The following GLRA2 variants were observed in gnomAD, a reference collection of about 807,000 sequenced individuals.
GLRA2 encodes the protein glycine receptor subunit alpha-2.
A neutral mutation model predicts 31.6 loss-of-function variants in GLRA2; 11 were observed. The observed-to-expected ratio is 0.35, with a 90% CI of 0.22 to 0.58. The LOEUF (loss-of-function observed/expected upper bound fraction) is 0.58, where lower values mean the gene tolerates loss of function less well. Among genes scored for constraint, GLRA2 ranks in the 20% least tolerant of loss-of-function variants. GLRA2 has a pLI of 0.84. For missense variants in GLRA2, 212 were observed against 351.8 expected, an observed-to-expected ratio of 0.60 and a Z score of 3.18; for synonymous variants, 132 against 134.0, an observed-to-expected ratio of 0.99 and a Z score of 0.10.
intron 2 of GLRA2, among the ~76,000 whole-genome samples, chrX:14,572,059 A>AG (rs1203772284): frequency 2.8e-4 from 31 of 112,155 alleles, no homozygotes; most frequent in Non-Finnish European, 2.1e-4. Context: ...GTCTTTTGTG[A>AG]GGATTACACT....
chrX:14,484,269 A>G, the GLRA2 span, among the ~76,000 whole-genome samples: 9 of 112,258 alleles, frequency 8.0e-5, no homozygotes, highest in African/African-American at 2.3e-4. Context: ...AATAGCTGCT[A>G]TACTCAACTA....
chrX:14,619,994 C>A (rs746614231), intron 7 of GLRA2, among the ~76,000 whole-genome samples: 3 of 95,573 alleles, frequency 3.1e-5, no homozygotes, highest in African/African-American at 1.1e-4. Context: ...CCTAGCCAGG[C>A]GCCCCCCCGT....
the GLRA2 span, among the ~76,000 whole-genome samples, chrX:14,486,382 T>G: frequency 8.9e-6 from 1 of 111,830 alleles, no homozygotes; most frequent in East Asian, 2.8e-4. Context: ...AAGTAAATGT[T>G]AAATTTAAGT....
chrX:14,547,019 TAAC>T (rs781271702), intron 2 of GLRA2, among the ~76,000 whole-genome samples: 2 of 111,452 alleles, frequency 1.8e-5, no homozygotes, highest in African/African-American at 6.5e-5. Context: ...TTGAGGGTAT[TAAC>T]AAAAAGTATC....
the GLRA2 span, among the ~76,000 whole-genome samples, chrX:14,494,427 A>G: frequency 8.9e-6 from 1 of 112,142 alleles, no homozygotes; most frequent in Non-Finnish European, 1.9e-5. Flanking sequence ...AATTGTAACC[A>G]TTGAACTGGT....
the GLRA2 span, among the ~76,000 whole-genome samples, chrX:14,475,109 C>G: frequency 1.8e-5 from 2 of 112,029 alleles, no homozygotes; most frequent in Non-Finnish European, 1.9e-5. Context: ...AAGTGGATAC[C>G]TCTTTCTACC....
intron 7 of GLRA2, among the ~76,000 whole-genome samples, chrX:14,675,668 T>C (rs761341600): frequency 8.9e-6 from 1 of 111,775 alleles, no homozygotes; most frequent in South Asian, 3.8e-4. Context: ...TCATCATCCA[T>C]CTCTGCCAAG....
At chrX:14,558,930 T>C (rs1268453318) in intron 2 of GLRA2, among the ~76,000 whole-genome samples, 1 of 110,509 alleles carries the variant, frequency 9.0e-6, no homozygotes, top group Non-Finnish European at 1.9e-5. Flanking sequence ...GCTCAAGTGA[T>C]TCTCCTGCCT....
chrX:14,676,052 A>T lies in GLRA2; in HGVS notation c.931-14658A>T, dbSNP rs6630813. On this transcript the variant is annotated intron_variant, in intron 7 of 8. Coordinates refer to ENST00000218075, the MANE Select transcript of GLRA2 (RefSeq NM_002063.4). ...AAGCCTTCTATTTTATGTAACAGAA[A>T]CACATCTCAGGCTACTGTGGCCAAC... Among the ~76,000 whole-genome samples, 12 of 112,516 alleles carry T rather than the reference A, an allele frequency of 1.1e-4. No individual in the cohort carries two copies. The East Asian group carries it at 2.2e-3, about 21-fold the overall frequency.
At chrX:14,515,225 A>G in the GLRA2 span, among the ~76,000 whole-genome samples, 1 of 111,616 alleles carries the variant, frequency 9.0e-6, no homozygotes, top group Non-Finnish European at 1.9e-5. Flanking sequence ...TCCTGTTATT[A>G]TTGCTGATAA....
chrX:14,681,981 GTATT>G (rs1372665364), intron 7 of GLRA2, among the ~76,000 whole-genome samples: 1 of 82,109 alleles, frequency 1.2e-5, no homozygotes, highest in Non-Finnish European at 2.3e-5. Context: ...GTGTATATAT[GTATT>G]TATATATGTA....
At chrX:14,530,298 C>T (rs1195705646) in intron 1 of GLRA2, among the ~76,000 whole-genome samples, 173 bp downstream of exon 1, 2 of 111,728 alleles carry the variant, frequency 1.8e-5, no homozygotes, top group Non-Finnish European at 3.8e-5. Flanking sequence ...GTAAATTTTT[C>T]ACAAAAGCAA....
the GLRA2 span, among the ~76,000 whole-genome samples, chrX:14,468,476 T>C: frequency 8.9e-6 from 1 of 111,852 alleles, no homozygotes; most frequent in African/African-American, 3.2e-5. Flanking sequence ...CCCAAACTTA[T>C]TTGATGTGGA....
chrX:14,575,914 T>A (rs1223059128), intron 3 of GLRA2, among the ~76,000 whole-genome samples: 1 of 111,430 alleles, frequency 9.0e-6, no homozygotes, highest in East Asian at 2.8e-4. Context: ...TTACTTTAAG[T>A]CCTAAATCAA....
At chrX:14,590,213 A>C (rs975276676) in intron 4 of GLRA2, among the ~76,000 whole-genome samples, 1 of 111,384 alleles carries the variant, frequency 9.0e-6, no homozygotes, top group Non-Finnish European at 1.9e-5. Flanking sequence ...TTGATAATTC[A>C]GTATTCTGCC....
At chrX:14,613,596 G>T (rs1336295564) in intron 7 of GLRA2, among the ~76,000 whole-genome samples, 1 of 111,813 alleles carries the variant, frequency 8.9e-6, no homozygotes, top group Non-Finnish European at 1.9e-5. Flanking sequence ...ATGTGCATAG[G>T]TTATATGCAA....
intron 4 of GLRA2, among the ~76,000 whole-genome samples, chrX:14,589,697 A>G (rs2090122013): frequency 3.0e-5 from 1 of 33,733 alleles, no homozygotes; most frequent in African/African-American, 1.7e-4. Context: ...ATATATGTAT[A>G]GTGTATATAT....
intron 7 of GLRA2, among the ~76,000 whole-genome samples, chrX:14,635,568 G>A (rs1161451364): frequency 9.0e-6 from 1 of 111,660 alleles, no homozygotes; most frequent in Non-Finnish European, 1.9e-5. Flanking sequence ...ATGTTCTTTT[G>A]TTAGTAAATG....
intron 7 of GLRA2, among the ~76,000 whole-genome samples, chrX:14,636,191 G>C (rs1413169240): frequency 1.8e-5 from 2 of 111,841 alleles, no homozygotes; most frequent in African/African-American, 6.5e-5. Flanking sequence ...AACTCATATA[G>C]ATATATTCTG....
Sources: gnomAD v4.1 joint callset for allele counts (sites outside exome capture counted in the v4.1 genomes callset) on GRCh38, gnomAD v4.1.1 for gene constraint, MANE v1.5 for transcripts, NCBI Gene and HGNC (gene_info 2026-07-23, HGNC 2026-07-21) for gene names.